FBXL17: variants seen among roughly 807,000 people sequenced by gnomAD.
FBXL17 encodes the protein F-box/LRR-repeat protein 17.
In FBXL17, 22 loss-of-function variants were observed where a neutral mutation model predicts 66.2. The ratio of observed to expected loss-of-function variants is 0.33; its 90% CI spans 0.24 to 0.47. FBXL17 has a LOEUF of 0.47. Among genes scored for constraint, FBXL17 ranks in the 20% least tolerant of loss-of-function variants. FBXL17 has a pLI of 1.00. For missense variants in FBXL17, 878 were observed against 948.2 expected (o/e 0.93, Z 0.97); for synonymous variants, 474 against 400.5 (o/e 1.18, Z -2.19).
At chr5:107,909,911 A>G (rs138421575) in intron 7 of FBXL17, among the ~76,000 whole-genome samples, 1 of 152,230 alleles carries the variant, frequency 6.6e-6, no homozygotes, top group African/African-American at 2.4e-5. Flanking sequence ...AAACAAATAT[A>G]TTTATATTTA....
At chr5:108,308,875 G>A (rs745391705) in intron 4 of FBXL17, among the ~76,000 whole-genome samples, 18 of 152,006 alleles carry the variant, frequency 1.2e-4, no homozygotes, top group South Asian at 4.1e-4. Context: ...AACACTGTAC[G>A]TAAGAATATA....
intron 6 of FBXL17, among the ~76,000 whole-genome samples, chr5:108,048,040 A>G (rs751177929): frequency 2.0e-5 from 3 of 152,118 alleles, no homozygotes; most frequent in South Asian, 2.1e-4. Context: ...GAGCGATCCT[A>G]CTCGCATCAT....
chr5:108,251,828 CA>C lies in FBXL17; in HGVS notation c.1507-27601del, dbSNP rs144390509. ...ATAAATAACATATTGTATAGTTCTA[CA>C]ATTTGCTTTTATCTTTTCATTCAAT... On this transcript the variant is annotated intron_variant, in intron 4 of 8. Coordinates refer to ENST00000542267, the MANE Select transcript of FBXL17 (RefSeq NM_001163315.3). Among the ~76,000 whole-genome samples the C allele has an allele frequency of 7.6e-3, 1,149 of 152,058 alleles. 13 individuals are homozygous for C. Among genetic ancestry groups the C allele is most frequent in the Middle Eastern group, 0.027 (8 of 294 alleles).
chr5:107,877,739 G>A (rs1475373328), intron 8 of FBXL17, among the ~76,000 whole-genome samples: 2 of 151,850 alleles, frequency 1.3e-5, no homozygotes, highest in Non-Finnish European at 2.9e-5. Context: ...CTCCTCCACT[G>A]GCTCCACTGG....
intron 5 of FBXL17, among the ~76,000 whole-genome samples, chr5:108,193,854 C>T (rs2150041191): frequency 6.6e-6 from 1 of 152,212 alleles, no homozygotes; most frequent in East Asian, 1.9e-4. Context: ...GGGCTTTTGT[C>T]TCTTTGCATT....
intron 6 of FBXL17, among the ~76,000 whole-genome samples, chr5:108,174,386 C>T (rs1195605626): frequency 1.3e-5 from 2 of 152,048 alleles, no homozygotes; most frequent in African/African-American, 2.4e-5. Flanking sequence ...ATCTTAATTG[C>T]CACCATTTCA....
chr5:107,881,220 G>A (rs532702218), intron 7 of FBXL17, 41 bp from the exon 8 acceptor site: 2 of 1,227,954 alleles, frequency 1.6e-6, no homozygotes, highest in South Asian at 1.6e-5. Flanking sequence ...TGTTAGCAGT[G>A]TAAGGGAGCT....
rs937029380 is a variant in FBXL17 at position 108,382,066 on chromosome 5, G to A, written c.-375C>T. 2.5e-5 allele frequency: 18 copies of A among 726,604 alleles called. No homozygotes were observed. The highest frequency in any genetic ancestry group is 5.6e-5 in the African/African-American group (3 of 53,112). The allele number at this position is 726,604 out of a possible 1,614,324, so 45.0% of individuals were successfully genotyped here. On this transcript the variant is annotated 5_prime_UTR_variant, in exon 1 of 9. Coordinates refer to ENST00000542267, the MANE Select transcript of FBXL17 (RefSeq NM_001163315.3). ...GTCCCGCTCGGACCATTTTAACTGC[G>A]GATCCGCCGCCGGCGCGCGCACCCG...
intron 7 of FBXL17, among the ~76,000 whole-genome samples, chr5:108,012,896 T>C (rs556089508): frequency 7.9e-5 from 12 of 151,682 alleles, no homozygotes; most frequent in Non-Finnish European, 1.6e-4. Context: ...ATGCCTGTAA[T>C]CCCAGCTACT....
intron 6 of FBXL17, among the ~76,000 whole-genome samples, chr5:108,107,095 A>G (rs1335602554): frequency 2.0e-5 from 3 of 152,178 alleles, no homozygotes; most frequent in Admixed American, 6.5e-5. Context: ...TTTTTGAGAC[A>G]GAGTCTCACT....
At chr5:108,308,332 T>A (rs1446250058) in intron 4 of FBXL17, among the ~76,000 whole-genome samples, 1 of 152,126 alleles carries the variant, frequency 6.6e-6, no homozygotes, top group Non-Finnish European at 1.5e-5. Context: ...ATTTATATGT[T>A]ATCTCATTAT....
intron 7 of FBXL17, among the ~76,000 whole-genome samples, chr5:107,899,599 T>C (rs1305345352): frequency 6.6e-6 from 1 of 152,196 alleles, no homozygotes; most frequent in East Asian, 1.9e-4. Context: ...ATTGCTGCAC[T>C]GCACTCCAGT....
intron 6 of FBXL17, among the ~76,000 whole-genome samples, chr5:108,081,354 T>G (rs1748754916): frequency 1.3e-5 from 2 of 152,188 alleles, no homozygotes; most frequent in Admixed American, 1.3e-4. Flanking sequence ...TTATTTTTCA[T>G]TTTACAATGT....
At position 108,230,016 on chromosome 5, in the gene FBXL17, G is replaced by A. The variant is rs114587873; in HGVS notation, c.1507-5788C>T. On this transcript the variant is annotated intron_variant, in intron 4 of 8. Transcript: ENST00000542267. Reference sequence around the variant, plus strand: ...GGGAAATGTAAATCAAAACCACAACGTGATACCACCTTAGTCCTGCAAAAA... The same window carrying A: ...GGGAAATGTAAATCAAAACCACAACATGATACCACCTTAGTCCTGCAAAAA... Among the ~76,000 whole-genome samples the A allele has an allele frequency of 3.1e-3, 465 of 152,098 alleles. 2 individuals carry two copies. Among genetic ancestry groups the A allele is most frequent in the African/African-American group, 0.011 (444 of 41,518 alleles).
intron 6 of FBXL17, among the ~76,000 whole-genome samples, chr5:108,055,994 C>T (rs1304704664): frequency 6.6e-6 from 1 of 152,194 alleles, no homozygotes. Flanking sequence ...ACCTTCCTGC[C>T]ACTGGCTTTG....
intron 8 of FBXL17, among the ~76,000 whole-genome samples, chr5:107,870,084 G>A (rs572606374): frequency 6.6e-6 from 1 of 152,286 alleles, no homozygotes; most frequent in African/African-American, 2.4e-5. Context: ...TCGGAGTCTT[G>A]GTGGAGAGGG....
chr5:108,217,825 T>C (rs896329935), intron 5 of FBXL17, among the ~76,000 whole-genome samples: 4 of 152,132 alleles, frequency 2.6e-5, no homozygotes, highest in Non-Finnish European at 4.4e-5. Context: ...TCTGATTCTA[T>C]GAGTCTGACT....
chr5:108,344,436 T>A (rs1335743268), intron 4 of FBXL17, among the ~76,000 whole-genome samples: 1 of 152,202 alleles, frequency 6.6e-6, no homozygotes, highest in Non-Finnish European at 1.5e-5. Context: ...GTATTACTAT[T>A]TTCTTGAGAA....
intron 4 of FBXL17, among the ~76,000 whole-genome samples, chr5:108,241,359 A>G (rs546962278): frequency 3.3e-4 from 51 of 152,334 alleles, no homozygotes; most frequent in African/African-American, 1.1e-3. Flanking sequence ...TGCAATTGGC[A>G]TACTGAAGAA....
Sources: gnomAD v4.1 joint callset for allele counts (sites outside exome capture counted in the v4.1 genomes callset) on GRCh38, gnomAD v4.1.1 for gene constraint, MANE v1.5 for transcripts, NCBI Gene and HGNC (gene_info 2026-07-23, HGNC 2026-07-21) for gene names.